The following PRKDC variants were observed in gnomAD, a reference collection of about 807,000 sequenced individuals.
The protein encoded by PRKDC is DNA-dependent protein kinase catalytic subunit.
A neutral mutation model predicts 486.9 loss-of-function variants in PRKDC; 82 were observed. That is an observed-to-expected ratio of 0.17 (90% CI 0.14 to 0.20). PRKDC has a LOEUF of 0.20. Among genes scored for constraint, PRKDC ranks in the 10% least tolerant of loss-of-function variants. The pLI is 1.00. For missense variants in PRKDC, 4,504 were observed against 5,038.2 expected, an observed-to-expected ratio of 0.89 and a Z score of 3.21; for synonymous variants, 1,895 against 1,837.0, an observed-to-expected ratio of 1.03 and a Z score of -0.81.
intron 64 of PRKDC, among the ~76,000 whole-genome samples, chr8:47,822,052 G>A (rs569312823): frequency 1.6e-4 from 25 of 152,290 alleles, no homozygotes; most frequent in Admixed American, 2.6e-4. Context: ...GGAGGCTAAC[G>A]CACATGGATC....
intron 69 of PRKDC, among the ~76,000 whole-genome samples, 200 bp from the exon 70 acceptor site, chr8:47,803,680 T>C (rs1455726108): frequency 2.6e-5 from 4 of 152,182 alleles, no homozygotes; most frequent in Non-Finnish European, 5.9e-5. Flanking sequence ...CCAGGTTTAG[T>C]GGCTCAGGCC....
intron 40 of PRKDC, among the ~76,000 whole-genome samples, chr8:47,872,500 G>GT (rs1491019962): frequency 1.6e-5 from 1 of 64,040 alleles, no homozygotes; most frequent in East Asian, 5.2e-4. Flanking sequence ...ATATAAAAAA[G>GT]TAAAAAAAAA....
At chr8:47,952,001 T>C (rs1426248970) in intron 7 of PRKDC, among the ~76,000 whole-genome samples, 3 of 152,212 alleles carry the variant, frequency 2.0e-5, no homozygotes, top group Non-Finnish European at 4.4e-5. Context: ...CTGCAACCCT[T>C]GTGCACTGTT....
At chr8:47,920,980 C>T (rs2090060361) in intron 21 of PRKDC, among the ~76,000 whole-genome samples, 1 of 152,144 alleles carries the variant, frequency 6.6e-6, no homozygotes, top group East Asian at 1.9e-4. Flanking sequence ...TGGCTGGGCA[C>T]GGGTGGCTCA....
intron 77 of PRKDC, chr8:47,784,095 A>G (rs2154497583): frequency 7.1e-6 from 2 of 282,916 alleles, no homozygotes; most frequent in South Asian, 9.3e-5. Flanking sequence ...CGTCTCTACT[A>G]AAAATACAAA....
At chr8:47,791,375 T>G (rs1797334490) in intron 74 of PRKDC, among the ~76,000 whole-genome samples, 1 of 152,158 alleles carries the variant, frequency 6.6e-6, no homozygotes, top group Non-Finnish European at 1.5e-5. Context: ...CTCAGGAGGC[T>G]GAGGCAGGAG....
intron 41 of PRKDC, among the ~76,000 whole-genome samples, chr8:47,863,932 T>G (rs1004014998): frequency 2.6e-5 from 4 of 152,230 alleles, no homozygotes; most frequent in Admixed American, 6.5e-5. Flanking sequence ...GTATTCATAG[T>G]ATTTCCCAAC....
Position 47,774,119 on chromosome 8 carries a change from A to G in PRKDC, c.*54T>C. 1.3e-6 allele frequency: 2 copies of G among 1,499,238 alleles called. No homozygotes were observed. Among genetic ancestry groups the G allele is most frequent in the Non-Finnish European group, 1.8e-6 (2 of 1,117,654 alleles). 92.9% of individuals were successfully genotyped at this position (1,499,238 alleles called of 1,614,324 possible). A position where few individuals can be genotyped will look rare whatever the true frequency, so the allele number is the denominator to read the frequency against. ...CTCATGGAATGCTGCCAACCAAAGT[A>G]TAGTAGATTCTTTAAACAATGTAAT... On this transcript the variant is annotated 3_prime_UTR_variant, in exon 86 of 86. Coordinates refer to ENST00000314191, the MANE Select transcript of PRKDC (RefSeq NM_006904.7).
chr8:47,822,129 C>CA (rs1445163169), intron 64 of PRKDC, among the ~76,000 whole-genome samples: 1 of 151,984 alleles, frequency 6.6e-6, no homozygotes, highest in African/African-American at 2.4e-5. Flanking sequence ...AAACTCTCTA[C>CA]AAAAAACACA....
At chr8:47,902,224 T>G (rs1369331145) in intron 27 of PRKDC, among the ~76,000 whole-genome samples, 1 of 152,176 alleles carries the variant, frequency 6.6e-6, no homozygotes, top group African/African-American at 2.4e-5. Flanking sequence ...CCATTTATCC[T>G]TCAAGTCTCA....
chr8:47,846,459 C>T (rs988266019), intron 54 of PRKDC, among the ~76,000 whole-genome samples: 1 of 151,372 alleles, frequency 6.6e-6, no homozygotes, highest in Non-Finnish European at 1.5e-5. Flanking sequence ...AACATCCTTG[C>T]ATGATAAAAA....
At chr8:47,910,475 C>A (rs939876837) in intron 25 of PRKDC, among the ~76,000 whole-genome samples, 1 of 152,198 alleles carries the variant, frequency 6.6e-6, no homozygotes, top group South Asian at 2.1e-4. Flanking sequence ...TTCATATACA[C>A]ACAAGGGGCC....
chr8:47,805,358 G>A (rs1373584661), intron 69 of PRKDC, among the ~76,000 whole-genome samples: 1 of 152,166 alleles, frequency 6.6e-6, no homozygotes, highest in Non-Finnish European at 1.5e-5. Context: ...TTGTGGATTT[G>A]ATTTGCATTT....
Position 47,890,271 on chromosome 8 carries a change from G to C in PRKDC, c.4057C>G (p.Pro1353Ala). ...GAGCAGCCTACCTTCCATCCTTCCG[G>C]GGAGGTGTTTAGCAGAGTCGTGGTA... ...EFTTTLLNTS[P>A]EGWKLLKKDL... Residue 1353 changes from proline to alanine, a missense_variant, in exon 32 of 86, where the codon CCG becomes GCG. Coordinates refer to ENST00000314191, the MANE Select transcript of PRKDC (RefSeq NM_006904.7). 5 of 1,610,854 alleles carry C rather than the reference G, an allele frequency of 3.1e-6. No individual in the cohort carries two copies. The highest frequency in any genetic ancestry group is 4.2e-6 in the Non-Finnish European group (5 of 1,179,130).
intron 7 of PRKDC, among the ~76,000 whole-genome samples, chr8:47,945,056 A>G (rs2090509648): frequency 6.6e-6 from 1 of 152,234 alleles, no homozygotes. Flanking sequence ...AAGGTCATTC[A>G]GATAGAAAAT....
intron 48 of PRKDC, among the ~76,000 whole-genome samples, chr8:47,857,939 G>A (rs540934138): frequency 6.6e-6 from 1 of 152,196 alleles, no homozygotes; most frequent in South Asian, 2.1e-4. Context: ...GGCCTGGCCT[G>A]GCTCTGGTCC....
intron 25 of PRKDC, among the ~76,000 whole-genome samples, chr8:47,911,327 A>G (rs950391570): frequency 2.6e-5 from 4 of 152,254 alleles, no homozygotes; most frequent in East Asian, 1.9e-4. Flanking sequence ...AGGGAGTGTC[A>G]GTGCTTCACA....
chr8:47,957,316 G>A (rs1382343969), intron 2 of PRKDC, 39 bp downstream of exon 2: 1 of 1,581,788 alleles, frequency 6.3e-7, no homozygotes, highest in Admixed American at 1.8e-5. Context: ...GTCACTCCAG[G>A]AATATACAAG....
chr8:47,888,316 A>C (rs1478107230), intron 34 of PRKDC, among the ~76,000 whole-genome samples: 1 of 152,152 alleles, frequency 6.6e-6, no homozygotes, highest in Non-Finnish European at 1.5e-5. Context: ...ATATTTATAA[A>C]TTTTTACATT....
Sources: allele counts gnomAD v4.1 joint callset (sites outside exome capture counted in the v4.1 genomes callset), GRCh38; gene constraint gnomAD v4.1.1; transcripts MANE v1.5; gene names NCBI Gene and HGNC (gene_info 2026-07-23, HGNC 2026-07-21).